The following PARD3B variants were observed in gnomAD, a reference collection of about 807,000 sequenced individuals.
The protein encoded by PARD3B is par-3 family cell polarity regulator beta, also known as partitioning defective 3 homolog B.
PARD3B carries 103 observed loss-of-function variants against 130.2 expected under a neutral mutation model. The observed-to-expected ratio is 0.79, with a 90% CI of 0.67 to 0.93. The LOEUF (loss-of-function observed/expected upper bound fraction) is 0.93, where lower values mean the gene tolerates loss of function less well. PARD3B is among the 40% of genes least tolerant of loss of function. The pLI is 0.00. For synonymous variants in PARD3B, 583 were observed against 553.2 expected (o/e 1.05, Z -0.76); for missense variants, 1,609 against 1,499.2 (o/e 1.07, Z -1.21).
chr2:204,971,863 G>C (rs1691749409), intron 3 of PARD3B, among the ~76,000 whole-genome samples: 1 of 146,528 alleles, frequency 6.8e-6, no homozygotes, highest in South Asian at 2.1e-4. Context: ...TGTAGCAATG[G>C]GTCTTGCTAT....
At chr2:204,844,249 C>G (rs1272075698) in intron 2 of PARD3B, among the ~76,000 whole-genome samples, 1 of 151,948 alleles carries the variant, frequency 6.6e-6, no homozygotes, top group African/African-American at 2.4e-5. Context: ...TTAGCCATTC[C>G]TAAATTATCA....
At chr2:205,544,466 C>T (rs923096047) in intron 21 of PARD3B, among the ~76,000 whole-genome samples, 2 of 152,126 alleles carry the variant, frequency 1.3e-5, no homozygotes, top group African/African-American at 4.8e-5. Flanking sequence ...CACACATACA[C>T]ACACAAAGTG....
chr2:205,458,396 G>A lies in PARD3B; in HGVS notation c.3044+17724G>A, dbSNP rs2048343547. 6.6e-6 allele frequency among the ~76,000 whole-genome samples: 1 copy of A among 151,844 alleles called. No homozygotes were observed. Among genetic ancestry groups the A allele is most frequent in the Non-Finnish European group, 1.5e-5 (1 of 67,956 alleles). ...TTTCTGTACATGCGTCTTGCTCTCT[G>A]TTCGTTTCTGGTTTTCTCTCTGTGA... On this transcript the variant is annotated intron_variant, in intron 20 of 22. Coordinates refer to ENST00000406610, the MANE Select transcript of PARD3B (RefSeq NM_001302769.2). This position sits in a 1 kb window ranked among gnomAD's most constrained non-coding sequence, Gnocchi z 4.8.
intron 8 of PARD3B, among the ~76,000 whole-genome samples, chr2:205,123,579 G>C (rs777549243): frequency 1.3e-5 from 2 of 150,098 alleles, no homozygotes; most frequent in African/African-American, 2.5e-5. Flanking sequence ...GATTTAGAGA[G>C]AGTGATGGAT....
chr2:204,553,745 A>G (rs1158208435), intron 1 of PARD3B, among the ~76,000 whole-genome samples: 1 of 146,286 alleles, frequency 6.8e-6, no homozygotes, highest in Admixed American at 6.9e-5. Flanking sequence ...AGAGAGACTG[A>G]ATTAATGGCA....
At chr2:205,343,532 A>G (rs929067031) in intron 18 of PARD3B, among the ~76,000 whole-genome samples, 3 of 152,328 alleles carry the variant, frequency 2.0e-5, no homozygotes, top group Admixed American at 2.0e-4. Context: ...TGCCTTACAC[A>G]TAGGTCCTGT....
chr2:204,690,473 A>G (rs908147530), intron 2 of PARD3B, among the ~76,000 whole-genome samples: 2 of 152,174 alleles, frequency 1.3e-5, no homozygotes, highest in African/African-American at 4.8e-5. Flanking sequence ...AAATGAAAGA[A>G]GAAGGCAGGA....
chr2:205,118,754 T>C (rs1324393583), intron 6 of PARD3B, among the ~76,000 whole-genome samples, 167 bp from the exon 7 acceptor site: 1 of 152,248 alleles, frequency 6.6e-6, no homozygotes, highest in Non-Finnish European at 1.5e-5. Flanking sequence ...GTAGTCAGTT[T>C]TGGCTTTTTT....
intron 21 of PARD3B, among the ~76,000 whole-genome samples, chr2:205,529,070 T>C (rs1031673376): frequency 6.6e-6 from 1 of 152,214 alleles, no homozygotes; most frequent in Non-Finnish European, 1.5e-5. Context: ...ATGCAAATGT[T>C]ACCTTTGTAA....
chr2:204,671,525 C>T (rs2036299106), intron 1 of PARD3B, among the ~76,000 whole-genome samples: 1 of 152,132 alleles, frequency 6.6e-6, no homozygotes, highest in Admixed American at 6.6e-5. Context: ...TTGGCAGGAA[C>T]TTGGATTTGA....
At chr2:204,692,314 G>C (rs1559064047) in intron 2 of PARD3B, among the ~76,000 whole-genome samples, 2 of 151,998 alleles carry the variant, frequency 1.3e-5, no homozygotes, top group Non-Finnish European at 2.9e-5. Flanking sequence ...GAAATTCCTT[G>C]CATTTATAAA....
At chr2:205,303,630 G>C (rs544901980) in intron 18 of PARD3B, among the ~76,000 whole-genome samples, 10 of 152,260 alleles carry the variant, frequency 6.6e-5, no homozygotes, top group African/African-American at 2.4e-4. Context: ...AACCAGCCTT[G>C]CATCTTCAGA....
chr2:205,440,413 G>C lies in PARD3B; in HGVS notation c.2785G>C (p.Gly929Arg). The C allele has an allele frequency of 1.9e-6, 3 of 1,614,058 alleles. No individual in the cohort carries two copies. Among genetic ancestry groups the C allele is most frequent in the Non-Finnish European group, 2.5e-6 (3 of 1,179,978 alleles). ...GGAGCTAAGGGAAAAGCAGGCAAGA[G>C]GTCTTCTTGATTATGCTACTGGTGC... Reference protein sequence around the residue: ...HQELREKQARGLLDYATGAIG... With the variant: ...HQELREKQARRLLDYATGAIG... Residue 929 changes from glycine (G) to arginine (R), a missense_variant, in exon 20 of 23, where the codon GGT (glycine) becomes CGT (arginine). Transcript: ENST00000406610. The surrounding 1 kb of genome is among the most constrained non-coding windows in gnomAD (Gnocchi z 4.2).
chr2:204,683,559 C>G (rs185935527), intron 1 of PARD3B, among the ~76,000 whole-genome samples: 1 of 152,232 alleles, frequency 6.6e-6, no homozygotes, highest in East Asian at 1.9e-4. Context: ...ATCAATAGCA[C>G]CATGGCCAAA....
rs535935523 is a variant in PARD3B, at chr2:205,582,609, A to G, written c.3260+29206A>G. ...AGACTAGATTATTGCCTTTTCCTCAAATATTTTTGGCAGTGAAACACAGAA... is the reference window on the plus strand; with the variant it reads ...AGACTAGATTATTGCCTTTTCCTCAGATATTTTTGGCAGTGAAACACAGAA... On this transcript the variant is annotated intron_variant, in intron 22 of 22. Transcript: ENST00000406610. 2.5e-4 allele frequency among the ~76,000 whole-genome samples: 38 copies of G among 152,050 alleles called. No homozygotes were observed. The South Asian group carries it at 7.9e-3, about 32-fold the overall frequency.
In PARD3B at chr2:205,618,804, G is replaced by A. The variant is rs2055513066; in HGVS notation, c.*2991G>A. 1 of 152,130 alleles carries A rather than the reference G, an allele frequency of 6.6e-6. No homozygotes were observed. The highest frequency in any genetic ancestry group is 2.4e-5 in the African/African-American group (1 of 41,404). 9.4% of individuals were successfully genotyped at this position (152,130 alleles called of 1,614,324 possible). On this transcript the variant is annotated 3_prime_UTR_variant, in exon 23 of 23. Coordinates refer to ENST00000406610, the MANE Select transcript of PARD3B (RefSeq NM_001302769.2). ...CCTCCCCAGAATCCATTATGCCATC[G>A]GGTTGTGGCACTCTCACCCTTGCCA...
intron 10 of PARD3B, among the ~76,000 whole-genome samples, chr2:205,127,776 C>T (rs1404511809): frequency 1.3e-5 from 2 of 152,186 alleles, no homozygotes; most frequent in Non-Finnish European, 2.9e-5. Flanking sequence ...TCCCCATTTC[C>T]ATTCCTCTAC....
At chr2:205,464,448 G>A (rs969075618) in intron 20 of PARD3B, among the ~76,000 whole-genome samples, 1 of 152,106 alleles carries the variant, frequency 6.6e-6, no homozygotes, top group Non-Finnish European at 1.5e-5. Context: ...AATCTAGTGG[G>A]GGAGTCACAG....
intron 2 of PARD3B, among the ~76,000 whole-genome samples, chr2:204,940,639 G>A (rs1200746305): frequency 6.6e-6 from 1 of 152,144 alleles, no homozygotes; most frequent in Non-Finnish European, 1.5e-5. Context: ...TGGGAGTTCT[G>A]GGAACAGTTC....
Sources: allele counts gnomAD v4.1 joint callset (sites outside exome capture counted in the v4.1 genomes callset), GRCh38; gene constraint gnomAD v4.1.1; non-coding constraint Gnocchi (gnomAD v3.1); transcripts MANE v1.5; gene names NCBI Gene and HGNC (gene_info 2026-07-23, HGNC 2026-07-21).